Variants in RORB observed in about 807,000 individuals in gnomAD.
The protein encoded by RORB is RAR related orphan receptor B.
A neutral mutation model predicts 59.1 loss-of-function variants in RORB; 6 were observed. The observed-to-expected ratio is 0.10, with a 90% CI of 0.06 to 0.20. RORB has a LOEUF of 0.20. Ranked by LOEUF, RORB falls within the 10% of genes least tolerant of loss-of-function variation. The pLI is 1.00. For missense variants in RORB, 320 were observed against 560.5 expected, an observed-to-expected ratio of 0.57 and a Z score of 4.33; for synonymous variants, 215 against 204.5, an observed-to-expected ratio of 1.05 and a Z score of -0.44.
At chr9:74,653,091 G>A (rs941086590) in intron 4 of RORB, among the ~76,000 whole-genome samples, 11 of 152,178 alleles carry the variant, frequency 7.2e-5, no homozygotes, top group African/African-American at 2.2e-4. Context: ...TCTGTCTAAT[G>A]ACAGAAAACA....
chr9:74,596,432 C>CA (rs1384123265), intron 1 of RORB, among the ~76,000 whole-genome samples: 1 of 152,172 alleles, frequency 6.6e-6, no homozygotes, highest in African/African-American at 2.4e-5. Context: ...TCTCTAAATA[C>CA]AAAATATGAT....
intron 1 of RORB, among the ~76,000 whole-genome samples, chr9:74,627,396 C>T (rs1346721246): frequency 6.6e-6 from 1 of 152,096 alleles, no homozygotes; most frequent in Non-Finnish European, 1.5e-5. Context: ...ACTTATTTCT[C>T]TTTAAAAATG....
Position 74,665,483 on chromosome 9 carries a change from C to T in RORB, c.893-5C>T, listed in dbSNP as rs762817440. The T allele has an allele frequency of 7.7e-6, 12 of 1,561,716 alleles. No homozygotes were observed. The highest frequency in any genetic ancestry group is 1.7e-5 in the Admixed American group (1 of 59,322). On this transcript the variant is annotated splice_polypyrimidine_tract_variant and splice_region_variant and intron_variant, in intron 6 of 9. Transcript: ENST00000376896. ...TTTATTTTTATTTTTATTTTTTACT[C>T]ATAGGTTGCTTGGAAGTGGTTTTAG...
chr9:74,634,086 A>T (rs1823663131), intron 2 of RORB, among the ~76,000 whole-genome samples: 1 of 151,686 alleles, frequency 6.6e-6, no homozygotes, highest in Non-Finnish European at 1.5e-5. Context: ...GTTAAAAAAA[A>T]AAAAAAGACA....
At chr9:74,609,505 G>T (rs1218109866) in intron 1 of RORB, among the ~76,000 whole-genome samples, 3 of 152,250 alleles carry the variant, frequency 2.0e-5, no homozygotes, top group South Asian at 4.1e-4. Context: ...TCAATGTAAA[G>T]ACTTCAGGAG....
At position 74,582,768 on chromosome 9, in the gene RORB, C is replaced by G. The variant is rs556183127; in HGVS notation, c.8-47514C>G. On this transcript the variant is annotated intron_variant, in intron 1 of 9. Transcript: ENST00000376896. ...TGTGCCCATCTCCCTTCAACTGTGT[C>G]TATTATCTACCCAAGCCTCAGAAGG... is the stretch of plus-strand genomic sequence containing the variant. Among the ~76,000 whole-genome samples, 5 of 152,260 alleles carry G rather than the reference C, an allele frequency of 3.3e-5. No homozygotes were observed. The East Asian group carries it at 9.6e-4, about 29-fold the overall frequency.
intron 3 of RORB, among the ~76,000 whole-genome samples, chr9:74,635,469 C>T (rs1028857472): frequency 3.9e-5 from 6 of 152,216 alleles, no homozygotes; most frequent in South Asian, 4.1e-4. Flanking sequence ...ACAAGATGAA[C>T]GAAGAATTTC....
At chr9:74,541,273 C>A in intron 1 of RORB, among the ~76,000 whole-genome samples, 1 of 44,650 alleles carries the variant, frequency 2.2e-5, no homozygotes, top group Admixed American at 3.4e-4. Flanking sequence ...GAAAGAGACT[C>A]CATCTCAAAA....
intron 1 of RORB, among the ~76,000 whole-genome samples, chr9:74,575,202 A>G (rs1822614171): frequency 6.6e-6 from 1 of 152,096 alleles, no homozygotes; most frequent in Admixed American, 6.6e-5. Flanking sequence ...TACTCTTTAA[A>G]ATTACCCGGT....
chr9:74,671,951 G>A (rs1824353180), intron 9 of RORB, 50 bp downstream of exon 9: 6 of 1,026,638 alleles, frequency 5.8e-6, no homozygotes, highest in African/African-American at 1.6e-5. Context: ...AGCACAGTGA[G>A]CAAAAAGGAC....
chr9:74,650,685 G>C (rs149759250), intron 4 of RORB, among the ~76,000 whole-genome samples: 1 of 152,198 alleles, frequency 6.6e-6, no homozygotes, highest in East Asian at 1.9e-4. Flanking sequence ...AGGCCTACTG[G>C]GGAACTGCTA....
chr9:74,608,093 C>G (rs1823177050), intron 1 of RORB, among the ~76,000 whole-genome samples: 1 of 152,132 alleles, frequency 6.6e-6, no homozygotes, highest in Non-Finnish European at 1.5e-5. Context: ...AGGTTCTTAA[C>G]TCAGGTACTA....
In RORB at chr9:74,688,342, G is replaced by GTAAAAAGCCT. The variant is rs1563975621; in HGVS notation, c.*2733_*2742dup. 6.6e-6 allele frequency: 1 copy of GTAAAAAGCCT among 152,130 alleles called. No individual in the cohort carries two copies. The highest frequency in any genetic ancestry group is 1.9e-4 in the East Asian group (1 of 5,184). The allele number at this position is 152,130 out of a possible 1,614,324, so 9.4% of individuals were successfully genotyped here. ...AGAGAATCCAGTCATGTTTTCAATG[G>GTAAAAAGCCT]TAAAAAGCCTTAAAAAGCTGCCCTT... is the stretch of plus-strand genomic sequence containing the variant. On this transcript the variant is annotated 3_prime_UTR_variant, in exon 10 of 10. Transcript: ENST00000376896.
intron 1 of RORB, among the ~76,000 whole-genome samples, chr9:74,616,330 A>G (rs999367726): frequency 2.0e-5 from 3 of 152,188 alleles, no homozygotes; most frequent in Admixed American, 2.0e-4. Flanking sequence ...AAATTGATAT[A>G]ATTGTTTCAA....
At position 74,595,585 on chromosome 9, in the gene RORB, A is replaced by G. The variant is rs1822957990; in HGVS notation, c.8-34697A>G. Among the ~76,000 whole-genome samples, 3 of 152,234 alleles carry G rather than the reference A, an allele frequency of 2.0e-5. No homozygotes were observed. In the South Asian group the frequency reaches 6.2e-4, roughly 31 times the overall value. On this transcript the variant is annotated intron_variant, in intron 1 of 9. Transcript: ENST00000376896. ...AGAGCACAGTGTTTGGCAAGATTTC[A>G]GGTGGAGCAATTGAAAACAACAGCT...
At chr9:74,668,346 G>A (rs766207838) in intron 8 of RORB, among the ~76,000 whole-genome samples, 38 of 152,208 alleles carry the variant, frequency 2.5e-4, no homozygotes, top group Non-Finnish European at 5.0e-4. Flanking sequence ...CACCTCTTGT[G>A]TTGGCATCTT....
chr9:74,615,336 A>G (rs1420172030), intron 1 of RORB, among the ~76,000 whole-genome samples: 1 of 152,220 alleles, frequency 6.6e-6, no homozygotes, highest in Non-Finnish European at 1.5e-5. Context: ...GCTGATTGCT[A>G]TTAAGCAAAT....
intron 3 of RORB, among the ~76,000 whole-genome samples, chr9:74,635,956 CAAA>C (rs11364568): frequency 2.3e-5 from 3 of 131,650 alleles, no homozygotes; most frequent in Non-Finnish European, 3.2e-5. Flanking sequence ...CAAATTTGAC[CAAA>C]AAAAAAAAAA....
chr9:74,515,465 G>A (rs1447516941), intron 1 of RORB, among the ~76,000 whole-genome samples: 1 of 151,870 alleles, frequency 6.6e-6, no homozygotes, highest in South Asian at 2.1e-4. Flanking sequence ...AGGTTGATTT[G>A]TTCTTTCAGG....
Sources: allele counts gnomAD v4.1 joint callset (sites outside exome capture counted in the v4.1 genomes callset), GRCh38; gene constraint gnomAD v4.1.1; transcripts MANE v1.5; gene names NCBI Gene and HGNC (gene_info 2026-07-23, HGNC 2026-07-21).